The following TRPC4 variants were observed in gnomAD, a reference collection of about 807,000 sequenced individuals.
The protein encoded by TRPC4 is transient receptor potential cation channel subfamily C member 4.
Under a neutral mutation model 99.4 loss-of-function variants are expected in TRPC4, and 49 were observed. That is an observed-to-expected ratio of 0.49 (90% CI 0.39 to 0.63). TRPC4 has a LOEUF of 0.63. Among genes scored for constraint, TRPC4 ranks in the 20% least tolerant of loss-of-function variants. TRPC4 has a pLI of 0.00. For missense variants in TRPC4, 898 were observed against 1,152.9 expected (o/e 0.78, Z 3.20); for synonymous variants, 454 against 425.9 (o/e 1.07, Z -0.81).
chr13:37,790,187 T>C (rs1957079589), intron 1 of TRPC4, among the ~76,000 whole-genome samples: 2 of 152,154 alleles, frequency 1.3e-5, no homozygotes, highest in African/African-American at 2.4e-5. Context: ...TATAAAATAG[T>C]AGTTGCAGAA....
chr13:37,692,355 A>G lies in TRPC4; in HGVS notation c.898-20T>C. The G allele has an allele frequency of 6.3e-7, 1 of 1,596,602 alleles. No homozygotes were observed. The highest frequency in any genetic ancestry group is 8.5e-7 in the Non-Finnish European group (1 of 1,169,684). Reference sequence around the variant, plus strand: ...AACAAACTAAACAGAAGGGAAAGGAAAAGGAAAAATAAGTCACAGTTACAT... The same window carrying G: ...AACAAACTAAACAGAAGGGAAAGGAGAAGGAAAAATAAGTCACAGTTACAT... On this transcript the variant is annotated intron_variant, in intron 3 of 10. Coordinates refer to ENST00000379705, the MANE Select transcript of TRPC4 (RefSeq NM_016179.4).
At chr13:37,726,177 CAG>C (rs1566123964) in intron 3 of TRPC4, among the ~76,000 whole-genome samples, 1 of 151,050 alleles carries the variant, frequency 6.6e-6, no homozygotes, top group Non-Finnish European at 1.5e-5. Context: ...GCCTGGGCGA[CAG>C]AGTGAGACAC....
At chr13:37,651,899 G>T (rs917072278) in intron 7 of TRPC4, among the ~76,000 whole-genome samples, 5 of 152,170 alleles carry the variant, frequency 3.3e-5, no homozygotes, top group Non-Finnish European at 7.4e-5. Flanking sequence ...CTTCAATGTT[G>T]CCAGGAAAAG....
intron 1 of TRPC4, among the ~76,000 whole-genome samples, chr13:37,816,844 C>T (rs1957869355): frequency 6.6e-6 from 1 of 151,884 alleles, no homozygotes. Context: ...TAAATATGCT[C>T]AATAAACTAG....
chr13:37,752,742 G>T (rs1955969416), intron 2 of TRPC4, among the ~76,000 whole-genome samples: 1 of 151,858 alleles, frequency 6.6e-6, no homozygotes, highest in Non-Finnish European at 1.5e-5. Context: ...GGTACATTTA[G>T]CTTATTTCAG....
intron 3 of TRPC4, among the ~76,000 whole-genome samples, chr13:37,726,216 T>C (rs1309484375): frequency 1.3e-5 from 2 of 151,784 alleles, no homozygotes; most frequent in East Asian, 1.9e-4. Context: ...AAAAAGTTAG[T>C]ATTATTATTA....
intron 5 of TRPC4, among the ~76,000 whole-genome samples, chr13:37,667,608 C>A (rs138009019): frequency 0.011 from 1,679 of 152,240 alleles, 24 homozygotes; most frequent in African/African-American, 0.038. Flanking sequence ...GCACCCAGCC[C>A]TCCTCCAGAA....
At chr13:37,738,896 G>T (rs1955491841) in intron 3 of TRPC4, among the ~76,000 whole-genome samples, 2 of 151,802 alleles carry the variant, frequency 1.3e-5, no homozygotes, top group South Asian at 4.2e-4. Context: ...GTTGTGCTCA[G>T]ATTTATGATG....
chr13:37,746,024 A>G lies in TRPC4; in HGVS notation c.810T>C (p.Asn270=), dbSNP rs1425981735. ...RSSRELEIIL[N]YRDDNSLIEE... ...CTATGAGACTATTGTCATCTCGGTA[A>G]TTAAGAATGATTTCCAGTTCTCTGG... is the stretch of plus-strand genomic sequence containing the variant. The change falls in exon 3 of 11, where the codon AAT becomes AAC. Residue 270 remains asparagine, a synonymous_variant. Transcript: ENST00000379705. The G allele has an allele frequency of 3.1e-6, 5 of 1,613,922 alleles. No homozygotes were observed. The highest frequency in any genetic ancestry group is 1.1e-5 in the South Asian group (1 of 91,082).
Position 37,834,818 on chromosome 13 carries a change from C to A in TRPC4, c.-28+34777G>T, listed in dbSNP as rs190795946. Reference sequence around the variant, plus strand: ...TCTCGGCTCACTGTAATCTCTGCCTCCTGGGTTCAAGTGATTCTTGAGTCT... The same window carrying A: ...TCTCGGCTCACTGTAATCTCTGCCTACTGGGTTCAAGTGATTCTTGAGTCT... On this transcript the variant is annotated intron_variant, in intron 1 of 10. Coordinates refer to ENST00000379705, the MANE Select transcript of TRPC4 (RefSeq NM_016179.4). 1.7e-3 allele frequency among the ~76,000 whole-genome samples: 252 copies of A among 152,240 alleles called. 2 individuals carry two copies. Among genetic ancestry groups the A allele is most frequent in the African/African-American group, 5.6e-3 (232 of 41,554 alleles).
At chr13:37,789,822 A>G (rs1226474624) in intron 1 of TRPC4, among the ~76,000 whole-genome samples, 1 of 151,876 alleles carries the variant, frequency 6.6e-6, no homozygotes, top group Non-Finnish European at 1.5e-5. Flanking sequence ...TCTCATCTTT[A>G]CTTCCTAAAA....
chr13:37,664,579 G>GA (rs59651924), intron 5 of TRPC4, among the ~76,000 whole-genome samples: 78,869 of 149,636 alleles, frequency 0.53, 21,124 homozygotes, highest in Middle Eastern at 0.58. Flanking sequence ...CATCTCAAAA[G>GA]AAAAAAAAAG....
chr13:37,639,202 G>A (rs1593409012), intron 9 of TRPC4, 56 bp downstream of exon 9: 2 of 1,612,060 alleles, frequency 1.2e-6, no homozygotes, highest in East Asian at 2.2e-5. Flanking sequence ...GTTCTGAAGG[G>A]GGGACTGCAT....
chr13:37,655,365 T>TA, intron 6 of TRPC4, 82 bp from the exon 7 acceptor site: 2 of 370,414 alleles, frequency 5.4e-6, no homozygotes, highest in Non-Finnish European at 8.3e-6. Context: ...CTTGGCATGA[T>TA]TATATATATA....
At chr13:37,652,509 T>A (rs1296008996) in intron 7 of TRPC4, among the ~76,000 whole-genome samples, 2 of 152,236 alleles carry the variant, frequency 1.3e-5, no homozygotes, top group African/African-American at 4.8e-5. Context: ...TTATTGCTGC[T>A]AAGCAAATGT....
intron 6 of TRPC4, among the ~76,000 whole-genome samples, chr13:37,659,084 A>C (rs1391879922): frequency 1.3e-5 from 2 of 152,202 alleles, no homozygotes; most frequent in African/African-American, 4.8e-5. Flanking sequence ...TGAGACAAGA[A>C]AAGGAAGTGA....
chr13:37,652,317 G>T (rs1399013516), intron 7 of TRPC4, among the ~76,000 whole-genome samples: 1 of 152,158 alleles, frequency 6.6e-6, no homozygotes, highest in Non-Finnish European at 1.5e-5. Context: ...TCATAAACAC[G>T]AACTCATATT....
chr13:37,682,727 G>A (rs1160442089), intron 4 of TRPC4, among the ~76,000 whole-genome samples: 1 of 151,992 alleles, frequency 6.6e-6, no homozygotes, highest in African/African-American at 2.4e-5. Flanking sequence ...GTCAGGGAGT[G>A]CAAGGTTTCT....
chr13:37,774,669 G>C (rs1021455790), intron 2 of TRPC4, among the ~76,000 whole-genome samples: 2 of 151,268 alleles, frequency 1.3e-5, no homozygotes, highest in Non-Finnish European at 3.0e-5. Context: ...TCTACTTTTC[G>C]ATATTTCCCA....
Sources: gnomAD v4.1 joint callset for allele counts (sites outside exome capture counted in the v4.1 genomes callset) on GRCh38, gnomAD v4.1.1 for gene constraint, MANE v1.5 for transcripts, NCBI Gene and HGNC (gene_info 2026-07-23, HGNC 2026-07-21) for gene names.